The following STIM1 variants were observed in gnomAD, a reference collection of about 807,000 sequenced individuals.
STIM1 encodes stromal interaction molecule 1.
Under a neutral mutation model 74.7 loss-of-function variants are expected in STIM1, and 25 were observed. The observed-to-expected ratio is 0.33, with a 90% confidence interval of 0.24 to 0.47. The LOEUF is 0.47. Ranked by LOEUF, STIM1 falls within the 20% of genes least tolerant of loss-of-function variation. The pLI, the probability that STIM1 is intolerant of heterozygous loss-of-function variation, is 1.00. For missense variants in STIM1, 728 were observed against 920.8 expected (o/e 0.79, Z 2.71); for synonymous variants, 328 against 348.8 (o/e 0.94, Z 0.66).
In STIM1 at chr11:3,909,410, AG is replaced by A. The variant is rs536650827; in HGVS notation, c.139+53004del. Among the ~76,000 whole-genome samples the A allele has an allele frequency of 1.4e-3, 217 of 152,132 alleles. 1 individual carries two copies. The highest frequency in any genetic ancestry group is 3.4e-3 in the Middle Eastern group (1 of 294). ...CCCAGGTACCAGTAACTTTGGGGTG[AG>A]GGTCCTGGTGAAGTCCTGGGCTTAT... On this transcript the variant is annotated intron_variant, in intron 1 of 12. Transcript: ENST00000526596.
At chr11:3,942,003 T>C (rs78226336) in intron 1 of STIM1, among the ~76,000 whole-genome samples, 3 of 152,098 alleles carry the variant, frequency 2.0e-5, no homozygotes, top group East Asian at 1.9e-4. Context: ...TTTTTGAGTA[T>C]ATAAAATGAT....
rs147355177 is a variant in STIM1 at position 3,870,539 on chromosome 11, C to T, written c.139+14130C>T. ...TGAGACAGGGTCTCATTCTGTCGCCCACACTGGAGTGCAGTGGCACCATCA... is the reference window on the plus strand; with the variant it reads ...TGAGACAGGGTCTCATTCTGTCGCCTACACTGGAGTGCAGTGGCACCATCA... On this transcript the variant is annotated intron_variant, in intron 1 of 12. Transcript: ENST00000526596. Among the ~76,000 whole-genome samples the T allele has an allele frequency of 6.7e-3, 1,016 of 152,088 alleles. 8 individuals are homozygous for T. Among genetic ancestry groups the T allele is most frequent in the African/African-American group, 0.022 (928 of 41,526 alleles).
chr11:4,023,677 T>G (rs1403392719), intron 2 of STIM1, among the ~76,000 whole-genome samples, 196 bp from the exon 3 acceptor site: 1 of 152,170 alleles, frequency 6.6e-6, no homozygotes, highest in Non-Finnish European at 1.5e-5. Context: ...AAGTGAGACA[T>G]GTAACAAAGA....
chr11:3,948,499 C>A (rs1230155897), intron 1 of STIM1, among the ~76,000 whole-genome samples: 1 of 151,936 alleles, frequency 6.6e-6, no homozygotes, highest in Non-Finnish European at 1.5e-5. Context: ...CATTATTATG[C>A]CGTATTTTAC....
chr11:3,959,060 T>C lies in STIM1; in HGVS notation c.140-8492T>C, dbSNP rs555770963. Among the ~76,000 whole-genome samples the C allele has an allele frequency of 5.9e-5, 9 of 152,272 alleles. No homozygotes were observed. In the South Asian group the frequency reaches 1.0e-3, roughly 18 times the overall value. ...ATGCTATTTTATCTCTTGAACTTCA[T>C]GGTCCTTGACCAAATTTGAAAATCT... On this transcript the variant is annotated intron_variant, in intron 1 of 12. Transcript: ENST00000526596.
chr11:3,965,832 C>G (rs1412844331), intron 1 of STIM1, among the ~76,000 whole-genome samples: 1 of 151,982 alleles, frequency 6.6e-6, no homozygotes, highest in Non-Finnish European at 1.5e-5. Context: ...ATGCTGAAAC[C>G]CCGTCTCTAC....
At chr11:3,966,418 G>A (rs2093341071) in intron 1 of STIM1, among the ~76,000 whole-genome samples, 1 of 152,206 alleles carries the variant, frequency 6.6e-6, no homozygotes, top group South Asian at 2.1e-4. Flanking sequence ...ACAAGTAGAT[G>A]ATTAAATGGA....
At chr11:4,045,462 T>C (rs1009296880) in intron 3 of STIM1, among the ~76,000 whole-genome samples, 51 of 152,242 alleles carry the variant, frequency 3.3e-4, no homozygotes, top group African/African-American at 1.2e-3. Context: ...CATTTTTTTT[T>C]TTTTTGAGTC....
intron 1 of STIM1, among the ~76,000 whole-genome samples, chr11:3,958,221 C>G (rs540034578): frequency 1.3e-5 from 2 of 152,194 alleles, no homozygotes; most frequent in Admixed American, 6.5e-5. Context: ...AAATTCAGAG[C>G]TTAGAAGCTG....
intron 5 of STIM1, among the ~76,000 whole-genome samples, chr11:4,063,758 C>T (rs2094347530): frequency 6.6e-6 from 1 of 152,142 alleles, no homozygotes; most frequent in Non-Finnish European, 1.5e-5. Flanking sequence ...ACCTTGGTCC[C>T]TTTTCAAAAT....
rs1285083626 is a variant in STIM1, at chr11:4,084,762, C to G, written c.1564C>G (p.Pro522Ala). The change falls in exon 11 of 13, where the codon CCC (proline) becomes GCC (alanine). Residue 522 changes from proline (P) to alanine (A), a missense_variant. By Grantham distance (27) the Pro-to-Ala change is conservative. This residue lies in a region of STIM1 where 352 missense variants were observed against 370.1 expected (regional missense o/e 0.95). Transcript: ENST00000526596. ...GSDDQSLWKY[P>A]APSLQSSVRQ... is the part of the protein sequence containing the mutation. The stretch of plus-strand genomic sequence containing the variant: ...GGATGATCAGTCCCTCTGGAAATAC[C>G]CCGGTTTGAGGAGCCCCTTTGGGGC... 2.3e-6 allele frequency: 3 copies of G among 1,289,334 alleles called. No homozygotes were observed. The highest frequency in any genetic ancestry group is 1.2e-5 in the South Asian group (1 of 81,026). 79.9% of individuals were successfully genotyped at this position (1,289,334 alleles called of 1,614,324 possible).
intron 2 of STIM1, among the ~76,000 whole-genome samples, chr11:3,968,728 A>C (rs1381138935): frequency 6.6e-6 from 1 of 152,226 alleles, no homozygotes; most frequent in Admixed American, 6.5e-5. Context: ...GACTCAGGTA[A>C]TATAATTTCT....
chr11:3,955,066 T>G (rs965641665), intron 1 of STIM1, among the ~76,000 whole-genome samples: 1 of 152,236 alleles, frequency 6.6e-6, no homozygotes, highest in African/African-American at 2.4e-5. Flanking sequence ...AACTACTGAT[T>G]CATGTGACAA....
intron 1 of STIM1, among the ~76,000 whole-genome samples, chr11:3,858,964 C>T (rs2090493957): frequency 3.3e-5 from 5 of 152,158 alleles, no homozygotes. Context: ...AGGTCCTGCC[C>T]TGTTAAAGGA....
At chr11:4,035,748 C>G (rs1444230322) in intron 3 of STIM1, among the ~76,000 whole-genome samples, 4 of 151,174 alleles carry the variant, frequency 2.6e-5, no homozygotes, top group South Asian at 2.1e-4. Context: ...CTTTCATGTC[C>G]TAGGACATGG....
intron 4 of STIM1, 35 bp from the exon 5 acceptor site, chr11:4,059,246 G>A (rs778698617): frequency 7.6e-6 from 12 of 1,574,478 alleles, no homozygotes; most frequent in Non-Finnish European, 1.0e-5. Context: ...GGCTTTACTG[G>A]GAGGGAACTG....
intron 2 of STIM1, among the ~76,000 whole-genome samples, chr11:3,982,281 C>T (rs183105076): frequency 6.6e-6 from 1 of 152,130 alleles, no homozygotes; most frequent in Admixed American, 6.5e-5. Context: ...CTGCCCACCT[C>T]AGCCTCCCAA....
intron 3 of STIM1, among the ~76,000 whole-genome samples, chr11:4,045,104 C>CAAGGATG (rs2094179976): frequency 3.3e-5 from 5 of 152,028 alleles, no homozygotes; most frequent in Non-Finnish European, 7.4e-5. Context: ...AGATTCTATG[C>CAAGGATG]CCAGACTTGT....
At chr11:3,869,642 T>A (rs551603579) in intron 1 of STIM1, among the ~76,000 whole-genome samples, 1 of 152,286 alleles carries the variant, frequency 6.6e-6, no homozygotes, top group Non-Finnish European at 1.5e-5. Flanking sequence ...GAGAGTACCA[T>A]AAAAAGATCA....
Sources: allele counts gnomAD v4.1 joint callset (sites outside exome capture counted in the v4.1 genomes callset), GRCh38; gene constraint gnomAD v4.1.1; regional missense constraint gnomAD v4.1.1; transcripts MANE v1.5; gene names NCBI Gene and HGNC (gene_info 2026-07-23, HGNC 2026-07-21).